TRIM52: variants seen among roughly 807,000 people sequenced by gnomAD.
TRIM52 encodes the protein tripartite motif containing 52.
In TRIM52, 24 loss-of-function variants were observed where a neutral mutation model predicts 27.0. That is an observed-to-expected ratio of 0.89 (90% CI 0.64 to 1.25). TRIM52 has a LOEUF of 1.25. Ranked by LOEUF, TRIM52 falls within the 50% of genes most tolerant of loss-of-function variation. The pLI is 0.00. For missense variants in TRIM52, 351 were observed against 354.7 expected (o/e 0.99, Z 0.08); for synonymous variants, 125 against 126.5 (o/e 0.99, Z 0.08).
rs535289821 is a variant in TRIM52, at chr5:181,256,438, G to T, written c.*371C>A. 1.3e-5 allele frequency: 2 copies of T among 151,144 alleles called. No homozygotes were observed. The highest frequency in any genetic ancestry group is 4.9e-5 in the African/African-American group (2 of 41,058). 9.4% of individuals were successfully genotyped at this position (151,144 alleles called of 1,614,324 possible). ...GGCTGGAGTGCAGTGGCTCAGTCTCGGCTTACTGCAAGCTCCGCCTCCCAG... is the reference window on the plus strand; with the variant it reads ...GGCTGGAGTGCAGTGGCTCAGTCTCTGCTTACTGCAAGCTCCGCCTCCCAG... On this transcript the variant is annotated 3_prime_UTR_variant, in exon 2 of 2. Transcript: ENST00000688015.
At chr5:181,249,502 C>T (rs942498938), downstream of TRIM52, among the ~76,000 whole-genome samples, 7 of 151,970 alleles carry the variant, frequency 4.6e-5, no homozygotes, top group Non-Finnish European at 5.9e-5. Flanking sequence ...AGTGAGACCC[C>T]ATCGCTATAA....
intron 1 of TRIM52, chr5:181,257,514 G>GT (rs528780941): frequency 5.1e-4 from 820 of 1,597,416 alleles, no homozygotes; most frequent in Middle Eastern, 8.3e-4. Context: ...GAAAAATGAA[G>GT]TTTTTTTAAC....
downstream of TRIM52, among the ~76,000 whole-genome samples, chr5:181,253,440 A>G (rs751737884): frequency 1.3e-4 from 19 of 142,776 alleles, no homozygotes; most frequent in Non-Finnish European, 2.5e-4. Flanking sequence ...TATAGTGCCT[A>G]CAAGAGGATG....
intron 1 of TRIM52, 192 bp from the exon 2 acceptor site, chr5:181,257,051 A>T: frequency 2.0e-6 from 2 of 1,000,712 alleles, no homozygotes; most frequent in Non-Finnish European, 2.4e-6. Context: ...GCATCCAGTT[A>T]TGCCTGATCC....
At position 181,260,257 on chromosome 5, in the gene TRIM52, C is replaced by A; in HGVS notation, c.557G>T (p.Cys186Phe). 2 of 1,614,218 alleles carry A rather than the reference C, an allele frequency of 1.2e-6. No individual in the cohort carries two copies. Among genetic ancestry groups the A allele is most frequent in the South Asian group, 2.2e-5 (2 of 91,082 alleles). The change falls in exon 1 of 2, where the codon TGC (cysteine) becomes TTC (phenylalanine). Residue 186 changes from cysteine to phenylalanine, a missense_variant. Cys to Phe is a radical substitution (Grantham distance 205). Transcript: ENST00000688015. This position sits in a 1 kb window ranked among gnomAD's most constrained non-coding sequence, Gnocchi z 4.4. ...GCTGCGACGTGTAAAGCTCTTTCGGCACTGGGGGCAGGTGAACTGCCCTGG... is the reference window on the plus strand; with the variant it reads ...GCTGCGACGTGTAAAGCTCTTTCGGAACTGGGGGCAGGTGAACTGCCCTGG... Reference protein sequence around the residue: ...PLPGQFTCPQCRKSFTRRSFR... With the variant: ...PLPGQFTCPQFRKSFTRRSFR...
chr5:181,251,890 C>A (rs1759642346), downstream of TRIM52, among the ~76,000 whole-genome samples: 1 of 152,178 alleles, frequency 6.6e-6, no homozygotes, highest in African/African-American at 2.4e-5. Flanking sequence ...CGGAAAGAAC[C>A]CACTTACCTG....
rs1398631655 is a variant in TRIM52, at chr5:181,260,962, CCT to C, written c.-151_-150del. 4.0e-6 allele frequency: 5 copies of C among 1,249,472 alleles called. No homozygotes were observed. The highest frequency in any genetic ancestry group is 1.6e-5 in the South Asian group (1 of 61,318). 77.4% of individuals were successfully genotyped at this position (1,249,472 alleles called of 1,614,324 possible). A position where few individuals can be genotyped will look rare whatever the true frequency, so the allele number is the denominator to read the frequency against. On this transcript the variant is annotated 5_prime_UTR_variant, in exon 1 of 2. Coordinates refer to ENST00000688015, the MANE Select transcript of TRIM52 (RefSeq NM_001346048.2). The surrounding 1 kb of genome is among the most constrained non-coding windows in gnomAD (Gnocchi z 4.4). ...CGGGGCCGCAGGGGAGCTTTGACCC[CCT>C]CTCTCAGGGTGCGAACGCCCAGATC...
intron 1 of TRIM52, 135 bp from the exon 2 acceptor site, chr5:181,256,994 GTGATGAA>G: frequency 1.0e-6 from 1 of 989,898 alleles, no homozygotes; most frequent in Non-Finnish European, 1.2e-6. Context: ...CTCTTGCAGA[GTGATGAA>G]TGATTTTATT....
chr5:181,252,290 G>T (rs1306040004), downstream of TRIM52, among the ~76,000 whole-genome samples: 1 of 152,188 alleles, frequency 6.6e-6, no homozygotes, highest in Non-Finnish European at 1.5e-5. Flanking sequence ...ACTAGACTTT[G>T]GTTGTACAGA....
At chr5:181,253,838 A>T (rs1298128757), downstream of TRIM52, among the ~76,000 whole-genome samples, 1 of 142,150 alleles carries the variant, frequency 7.0e-6, no homozygotes, top group Non-Finnish European at 1.5e-5. Context: ...CAAAAAATAA[A>T]AATAAATTAG....
chr5:181,252,632 T>C (rs558442068), downstream of TRIM52, among the ~76,000 whole-genome samples: 2 of 152,356 alleles, frequency 1.3e-5, no homozygotes, highest in Non-Finnish European at 2.9e-5. Context: ...GGAAGCAGCA[T>C]AGAATCTACA....
At chr5:181,249,760 G>A (rs1759595133), downstream of TRIM52, among the ~76,000 whole-genome samples, 1 of 151,672 alleles carries the variant, frequency 6.6e-6, no homozygotes, top group Non-Finnish European at 1.5e-5. Context: ...CACTCTTAGT[G>A]AGGTCGGCTG....
At chr5:181,251,390 A>C (rs1167617458), downstream of TRIM52, among the ~76,000 whole-genome samples, 5 of 152,200 alleles carry the variant, frequency 3.3e-5, no homozygotes, top group Non-Finnish European at 7.4e-5. Context: ...CCTTGTTCTT[A>C]AAGGCTATTT....
intron 1 of TRIM52, chr5:181,259,745 G>A (rs764544774): frequency 2.8e-5 from 18 of 647,048 alleles, no homozygotes; most frequent in Non-Finnish European, 3.6e-5. Context: ...ATTAGCAGTA[G>A]TGGTCCGCTT....
At chr5:181,252,244 C>T (rs758468833), downstream of TRIM52, among the ~76,000 whole-genome samples, 1 of 152,196 alleles carries the variant, frequency 6.6e-6, no homozygotes, top group Non-Finnish European at 1.5e-5. Context: ...TTTATCCTCC[C>T]CCTTGGACTT....
Position 181,261,101 on chromosome 5 carries a change from G to A in TRIM52, c.-288C>T, listed in dbSNP as rs950962737. 5.6e-6 allele frequency: 2 copies of A among 358,110 alleles called. No individual in the cohort carries two copies. Among genetic ancestry groups the A allele is most frequent in the South Asian group, 6.5e-5 (1 of 15,482 alleles). The allele number at this position is 358,110 out of a possible 1,614,324, so 22.2% of individuals were successfully genotyped here. On this transcript the variant is annotated 5_prime_UTR_variant, in exon 1 of 2. In the 5' UTR this introduces an upstream ATG that the reference lacks. Coordinates refer to ENST00000688015, the MANE Select transcript of TRIM52 (RefSeq NM_001346048.2). ...CTCAGGGTGTGCCCTACACTGCGGCGTCCGCCTCAGATGCAGCCGCTGGCT... is the reference window on the plus strand; with the variant it reads ...CTCAGGGTGTGCCCTACACTGCGGCATCCGCCTCAGATGCAGCCGCTGGCT...
In TRIM52 at chr5:181,260,385, C is replaced by G; in HGVS notation, c.429G>C (p.Leu143=). ...DYYLGGLRPD[L]RIDVYREEEI... Reference sequence around the variant, plus strand: ...CTTCTTCTCGGTAGACATCAATTCTCAGGTCAGGTCTCAAGCCTCCTAGGT... The same window carrying G: ...CTTCTTCTCGGTAGACATCAATTCTGAGGTCAGGTCTCAAGCCTCCTAGGT... The change falls in exon 1 of 2, where the codon CTG becomes CTC. Residue 143 remains leucine, a synonymous_variant. Transcript: ENST00000688015. This position sits in a 1 kb window ranked among gnomAD's most constrained non-coding sequence, Gnocchi z 4.4. 1.9e-6 allele frequency: 3 copies of G among 1,613,992 alleles called. No individual in the cohort carries two copies. The highest frequency in any genetic ancestry group is 2.5e-6 in the Non-Finnish European group (3 of 1,180,010).
At position 181,259,823 on chromosome 5, in the gene TRIM52, TTG is replaced by T. The variant is rs535770557; in HGVS notation, c.813+176_813+177del. The T allele has an allele frequency of 8.2e-5, 115 of 1,401,972 alleles. 1 individual carries two copies. In the South Asian group the frequency reaches 1.5e-3, roughly 19 times the overall value. The allele number at this position is 1,401,972 out of a possible 1,614,324, so 86.8% of individuals were successfully genotyped here. ...CCAATCTGCCCCAATCTTCATGGTT[TTG>T]TGTCTCCTTTTTTACCCATATGACC... is the stretch of plus-strand genomic sequence containing the variant. On this transcript the variant is annotated intron_variant, in intron 1 of 1. Transcript: ENST00000688015.
In TRIM52 at chr5:181,260,199, G is replaced by T. The variant is rs780235783; in HGVS notation, c.615C>A (p.Val205=). Residue 205 remains valine, a synonymous_variant, in exon 1 of 2, where the codon GTC becomes GTA. Transcript: ENST00000688015. This position sits in a 1 kb window ranked among gnomAD's most constrained non-coding sequence, Gnocchi z 4.4. The part of the protein sequence containing the change: ...FRPNLQLANM[V]QIIRQMCPTP... The stretch of plus-strand genomic sequence containing the variant: ...TGGGGCACATCTGGCGAATTATCTG[G>T]ACCATGTTGGCCAGCTGCAAGTTGG... 6.2e-7 allele frequency: 1 copy of T among 1,614,058 alleles called. No individual in the cohort carries two copies. Among genetic ancestry groups the T allele is most frequent in the Non-Finnish European group, 8.5e-7 (1 of 1,180,042 alleles).
Sources: allele counts gnomAD v4.1 joint callset (sites outside exome capture counted in the v4.1 genomes callset), GRCh38; gene constraint gnomAD v4.1.1; non-coding constraint Gnocchi (gnomAD v3.1); transcripts MANE v1.5; gene names NCBI Gene and HGNC (gene_info 2026-07-23, HGNC 2026-07-21).